Variants in REEP1 observed in about 807,000 individuals in gnomAD.
REEP1 encodes the protein receptor expression-enhancing protein 1.
REEP1 carries 22 observed loss-of-function variants against 40.3 expected under a neutral mutation model. The observed-to-expected ratio is 0.55, with a 90% CI of 0.39 to 0.78. The LOEUF is 0.78. REEP1 is among the 30% of genes least tolerant of loss of function. The pLI, the probability that REEP1 is intolerant of heterozygous loss-of-function variation, is 0.00. For synonymous variants in REEP1, 116 were observed against 139.2 expected, an observed-to-expected ratio of 0.83 and a Z score of 1.17; for missense variants, 280 against 361.1, an observed-to-expected ratio of 0.78 and a Z score of 1.82.
At chr2:86,311,304 G>T (rs182664649) in intron 1 of REEP1, among the ~76,000 whole-genome samples, 2 of 152,196 alleles carry the variant, frequency 1.3e-5, no homozygotes, top group African/African-American at 4.8e-5. Flanking sequence ...GCAACAGGGG[G>T]GCCAGCAGGG....
intron 7 of REEP1, 94 bp downstream of exon 7, chr2:86,227,268 GA>G (rs1296670015): frequency 2.9e-6 from 3 of 1,038,002 alleles, no homozygotes; most frequent in Non-Finnish European, 2.5e-6. Context: ...CCATGCAGCT[GA>G]AAGGGAGCCC....
At chr2:86,323,263 T>C (rs1680350438) in intron 1 of REEP1, among the ~76,000 whole-genome samples, 1 of 152,204 alleles carries the variant, frequency 6.6e-6, no homozygotes, top group African/African-American at 2.4e-5. Flanking sequence ...TAAATGCTAG[T>C]CCAATAAAAA....
At chr2:86,335,470 G>T (rs917931624) in intron 1 of REEP1, among the ~76,000 whole-genome samples, 1 of 151,988 alleles carries the variant, frequency 6.6e-6, no homozygotes, top group Non-Finnish European at 1.5e-5. Context: ...TAGGGAGTGT[G>T]GTTGTTTTAG....
chr2:86,280,184 C>A, intron 2 of REEP1: 1 of 374,706 alleles, frequency 2.7e-6, no homozygotes. Context: ...AGTGTGAGTG[C>A]AGAGAAAGGC....
rs1677016262 is a variant in REEP1 at position 86,264,097 on chromosome 2, C to T, written c.106-56G>A. 4 of 1,362,818 alleles carry T rather than the reference C, an allele frequency of 2.9e-6. No individual in the cohort carries two copies. In the South Asian group the frequency reaches 3.5e-5, roughly 12 times the overall value. The allele number at this position is 1,362,818 out of a possible 1,614,324, so 84.4% of individuals were successfully genotyped here. Reference sequence around the variant, plus strand: ...GAAAAGGTCCAGGAAAAACACTGCCCAACACCAGGAAGAACAGGCCCCGGC... The same window carrying T: ...GAAAAGGTCCAGGAAAAACACTGCCTAACACCAGGAAGAACAGGCCCCGGC... On this transcript the variant is annotated intron_variant, in intron 2 of 8. Coordinates refer to ENST00000538924, the MANE Select transcript of REEP1 (RefSeq NM_001371279.1).
chr2:86,288,053 G>A (rs35353674), intron 1 of REEP1, among the ~76,000 whole-genome samples: 54,981 of 142,494 alleles, frequency 0.39, 12,132 homozygotes, highest in East Asian at 0.58. Flanking sequence ...ATGGAGTCTC[G>A]CTCCCATTGT....
chr2:86,277,310 C>A (rs1047390727), intron 2 of REEP1, among the ~76,000 whole-genome samples: 2 of 152,122 alleles, frequency 1.3e-5, no homozygotes, highest in Non-Finnish European at 2.9e-5. Flanking sequence ...AATCCCAGCA[C>A]TTTAGCAGGC....
intron 6 of REEP1, 69 bp downstream of exon 6, chr2:86,232,556 G>C (rs867289153): frequency 3.8e-6 from 6 of 1,561,616 alleles, no homozygotes; most frequent in South Asian, 3.4e-5. Flanking sequence ...GCCACACTGC[G>C]GACTGGGCCT....
chr2:86,288,630 A>G (rs548947170), intron 1 of REEP1, among the ~76,000 whole-genome samples: 22 of 152,334 alleles, frequency 1.4e-4, no homozygotes, highest in African/African-American at 5.3e-4. Context: ...GGGTATCTAC[A>G]TAGTGTGGAA....
intron 2 of REEP1, among the ~76,000 whole-genome samples, chr2:86,264,712 T>G (rs7597546): frequency 6.6e-6 from 1 of 152,164 alleles, no homozygotes; most frequent in Non-Finnish European, 1.5e-5. Context: ...CTGGCAAAAG[T>G]GAGGTAGCTT....
intron 2 of REEP1, among the ~76,000 whole-genome samples, chr2:86,270,822 A>C (rs942859296): frequency 2.0e-5 from 3 of 152,180 alleles, no homozygotes; most frequent in Non-Finnish European, 4.4e-5. Context: ...TGTAATAGGA[A>C]TTCCAGAAGG....
At chr2:86,301,873 T>A (rs1211962441) in intron 1 of REEP1, among the ~76,000 whole-genome samples, 1 of 152,222 alleles carries the variant, frequency 6.6e-6, no homozygotes, top group Non-Finnish European at 1.5e-5. Context: ...TGTAGGCAGA[T>A]GACTAACCTC....
At chr2:86,276,311 G>A (rs1238442849) in intron 2 of REEP1, among the ~76,000 whole-genome samples, 4 of 152,156 alleles carry the variant, frequency 2.6e-5, no homozygotes, top group Admixed American at 6.5e-5. Flanking sequence ...TGGAGTGGGC[G>A]GCATAGGGTC....
At chr2:86,257,086 T>A (rs758205192) in intron 3 of REEP1, among the ~76,000 whole-genome samples, 2 of 152,220 alleles carry the variant, frequency 1.3e-5, no homozygotes, top group Non-Finnish European at 2.9e-5. Flanking sequence ...GATTGTTTAA[T>A]GTTTCACAGC....
chr2:86,297,644 T>C, intron 1 of REEP1: 4 of 927,168 alleles, frequency 4.3e-6, no homozygotes, highest in Non-Finnish European at 5.1e-6. Flanking sequence ...TCCCCGGGGG[T>C]TGGAGGGAGG....
chr2:86,251,744 T>G, intron 5 of REEP1: 1 of 601,240 alleles, frequency 1.7e-6, no homozygotes, highest in Non-Finnish European at 3.0e-6. Flanking sequence ...GGGAACCTCT[T>G]GATATTGCAA....
chr2:86,303,800 A>G (rs996566868), intron 1 of REEP1, among the ~76,000 whole-genome samples: 1 of 152,194 alleles, frequency 6.6e-6, no homozygotes, highest in Non-Finnish European at 1.5e-5. Flanking sequence ...AACAGCATGA[A>G]TAAACCCCAG....
At chr2:86,329,922 C>G (rs1237381020) in intron 1 of REEP1, among the ~76,000 whole-genome samples, 1 of 152,110 alleles carries the variant, frequency 6.6e-6, no homozygotes. Flanking sequence ...CTCTGGAGAC[C>G]CAGAGGACAG....
intron 2 of REEP1, among the ~76,000 whole-genome samples, chr2:86,272,927 A>C (rs1445813153): frequency 2.0e-5 from 3 of 152,140 alleles, no homozygotes; most frequent in African/African-American, 7.2e-5. Flanking sequence ...GTTTGAGACC[A>C]GCCTGGGAAA....
Sources: allele counts gnomAD v4.1 joint callset (sites outside exome capture counted in the v4.1 genomes callset), GRCh38; gene constraint gnomAD v4.1.1; transcripts MANE v1.5; gene names NCBI Gene and HGNC (gene_info 2026-07-23, HGNC 2026-07-21).